Variants in COPB2 observed in about 807,000 individuals in gnomAD.
COPB2 encodes the protein coat protein complex I subunit beta 2.
Under a neutral mutation model 120.8 loss-of-function variants are expected in COPB2, and 16 were observed. That is an observed-to-expected ratio of 0.13 (90% CI 0.09 to 0.20). The LOEUF is 0.20. COPB2 is among the 10% of genes least tolerant of loss of function. The pLI is 1.00. For missense variants in COPB2, 794 were observed against 1,076.5 expected, an observed-to-expected ratio of 0.74 and a Z score of 3.67; for synonymous variants, 332 against 366.3, an observed-to-expected ratio of 0.91 and a Z score of 1.07.
intron 15 of COPB2, among the ~76,000 whole-genome samples, chr3:139,365,817 G>GAT (rs1208393705): frequency 6.6e-6 from 1 of 152,156 alleles, no homozygotes; most frequent in African/African-American, 2.4e-5. Context: ...AGGAAAGCTA[G>GAT]ATAATATGCT....
chr3:139,360,785 C>G (rs1295827558), intron 17 of COPB2, among the ~76,000 whole-genome samples: 1 of 152,128 alleles, frequency 6.6e-6, no homozygotes, highest in Non-Finnish European at 1.5e-5. Context: ...CTCCTGCAAT[C>G]ATAAAATAAA....
intron 15 of COPB2, among the ~76,000 whole-genome samples, chr3:139,364,132 G>A (rs1385724575): frequency 3.3e-5 from 5 of 152,046 alleles, no homozygotes; most frequent in African/African-American, 9.7e-5. Context: ...AGCTGGTGGA[G>A]GAATATAAAC....
intron 10 of COPB2, 90 bp downstream of exon 10, chr3:139,371,633 C>G: frequency 9.3e-7 from 1 of 1,078,180 alleles, no homozygotes; most frequent in Non-Finnish European, 1.4e-6. Context: ...CACGGAGAAT[C>G]ACAGCCCACA....
chr3:139,358,406 C>G, intron 20 of COPB2, 135 bp from the exon 21 acceptor site: 1 of 768,846 alleles, frequency 1.3e-6, no homozygotes, highest in Non-Finnish European at 2.2e-6. Context: ...CAGCCAGGCA[C>G]AGTGGCTCAC....
chr3:139,373,364 T>C lies in COPB2; in HGVS notation c.943A>G (p.Ile315Val). 6.2e-7 allele frequency: 1 copy of C among 1,614,202 alleles called. No individual in the cohort carries two copies. Among genetic ancestry groups the C allele is most frequent in the Non-Finnish European group, 8.5e-7 (1 of 1,180,044 alleles). ...TGGACTTCTGAATGCTTGGCCCAAA[T>C]TATCTTTCCATTGGCATCCATGGAC... ...AMSMDANGKI[I>V]WAKHSEVQQA... is the part of the protein sequence containing the mutation. Residue 315 changes from isoleucine (I) to valine (V), a missense_variant, in exon 9 of 22, where the codon ATT becomes GTT. This residue lies in a region of COPB2 where 610 missense variants were observed against 866.7 expected (regional missense o/e 0.70). Transcript: ENST00000333188.
chr3:139,371,090 C>T (rs770615490), intron 10 of COPB2, among the ~76,000 whole-genome samples: 20 of 152,132 alleles, frequency 1.3e-4, no homozygotes. Context: ...AAACACTAAA[C>T]CCCTAATGTT....
In COPB2 at chr3:139,362,267, AAGAG is replaced by A. The variant is rs554116566; in HGVS notation, c.1995+136_1995+139del. 8.2e-5 allele frequency: 39 copies of A among 477,110 alleles called. No homozygotes were observed. The East Asian group carries it at 1.1e-3, about 13-fold the overall frequency. The allele number at this position is 477,110 out of a possible 1,614,324, so 29.6% of individuals were successfully genotyped here. On this transcript the variant is annotated intron_variant, in intron 16 of 21. Transcript: ENST00000333188. The stretch of plus-strand genomic sequence containing the variant: ...AACATAATACATCTTTTAAAAAGAT[AAGAG>A]AGAGACAATAACTTCAACAAAATGA...
chr3:139,389,678 G>T (rs1030292212), upstream of COPB2: 3 of 1,026,740 alleles, frequency 2.9e-6, no homozygotes, highest in African/African-American at 3.3e-5. Flanking sequence ...TCTCGCGATA[G>T]TCAGAGGCCA....
At chr3:139,367,654 A>T (rs188567822) in intron 13 of COPB2, among the ~76,000 whole-genome samples, 1 of 152,194 alleles carries the variant, frequency 6.6e-6, no homozygotes, top group African/African-American at 2.4e-5. Context: ...AAACAGAAAA[A>T]AAAACAAAAC....
intron 13 of COPB2, among the ~76,000 whole-genome samples, 160 bp downstream of exon 13, chr3:139,367,985 T>C (rs1318577779): frequency 6.6e-6 from 1 of 152,262 alleles, no homozygotes; most frequent in Non-Finnish European, 1.5e-5. Flanking sequence ...TTTTGATCTA[T>C]GAGTTACGAT....
intron 5 of COPB2, 127 bp downstream of exon 5, chr3:139,377,914 G>T: frequency 2.5e-6 from 2 of 806,678 alleles, no homozygotes; most frequent in East Asian, 3.0e-5. Flanking sequence ...ATCCTATTTT[G>T]ACTTCAAAAC....
chr3:139,385,447 T>C (rs1027808737), intron 1 of COPB2: 1 of 150,574 alleles, frequency 6.6e-6, no homozygotes, highest in African/African-American at 2.4e-5. Context: ...CCATAAAGCA[T>C]AATATTGAGT....
rs564515377 is a variant in COPB2, at chr3:139,374,404, A to G, written c.751+85T>C. The G allele has an allele frequency of 4.0e-5, 45 of 1,111,816 alleles. 1 individual carries two copies. The East Asian group carries it at 1.0e-3, about 25-fold the overall frequency. The allele number at this position is 1,111,816 out of a possible 1,614,324, so 68.9% of individuals were successfully genotyped here. On this transcript the variant is annotated intron_variant, in intron 7 of 21. Transcript: ENST00000333188. Reference sequence around the variant, plus strand: ...AAAATATCAAAATCCTTGGAAACCTACAATTATAATGCAGAGACATTACTT... The same window carrying G: ...AAAATATCAAAATCCTTGGAAACCTGCAATTATAATGCAGAGACATTACTT...
In COPB2 at chr3:139,359,327, C is replaced by G; in HGVS notation, c.2246G>C (p.Gly749Ala). The G allele has an allele frequency of 1.9e-6, 3 of 1,614,154 alleles. No individual in the cohort carries two copies. Among genetic ancestry groups the G allele is most frequent in the Non-Finnish European group, 2.5e-6 (3 of 1,180,012 alleles). Residue 749 changes from glycine to alanine, a missense_variant, in exon 18 of 22, where the codon GGA becomes GCA. This residue lies in a region of COPB2 where 178 missense variants were observed against 183.2 expected (regional missense o/e 0.97). Transcript: ENST00000333188. ...CAAGAAGGCAGCTTCTGGCAGCCGTCCAGTTCTAATTAAGAGCTCTAGGCA... is the reference window on the plus strand; with the variant it reads ...CAAGAAGGCAGCTTCTGGCAGCCGTGCAGTTCTAATTAAGAGCTCTAGGCA... ...DACLELLIRTGRLPEAAFLAR... is the reference protein window; with the variant it reads ...DACLELLIRTARLPEAAFLAR...
At chr3:139,389,251 T>C (rs1287110376) in intron 1 of COPB2, among the ~76,000 whole-genome samples, 1 of 152,240 alleles carries the variant, frequency 6.6e-6, no homozygotes, top group Non-Finnish European at 1.5e-5. Flanking sequence ...ATTCGGCTTC[T>C]GTGTTTCCCT....
chr3:139,366,863 T>C lies in COPB2; in HGVS notation c.1677-88A>G, dbSNP rs575940875. The C allele has an allele frequency of 3.8e-4, 577 of 1,499,480 alleles. 1 individual carries two copies. The African/African-American group carries it at 7.2e-3, about 19-fold the overall frequency. The allele number at this position is 1,499,480 out of a possible 1,614,324, so 92.9% of individuals were successfully genotyped here. A position where few individuals can be genotyped will look rare whatever the true frequency, so the allele number is the denominator to read the frequency against. On this transcript the variant is annotated intron_variant, in intron 14 of 21. Transcript: ENST00000333188. ...GCCAATCTCCCTCTTGCTCAAAACC[T>C]TCCCATTTGATTGACACAATTCTGG...
At chr3:139,382,737 G>C (rs1351203648) in intron 2 of COPB2, 2 of 166,126 alleles carry the variant, frequency 1.2e-5, no homozygotes, top group Non-Finnish European at 2.6e-5. Context: ...ATACAGTCTA[G>C]GAAGACTGGA....
At chr3:139,381,980 T>TA (rs1941824976) in intron 2 of COPB2, 1 of 151,652 alleles carries the variant, frequency 6.6e-6, no homozygotes, top group Non-Finnish European at 1.5e-5. Context: ...AGAACACAAA[T>TA]ACTGAACTAG....
intron 9 of COPB2, among the ~76,000 whole-genome samples, chr3:139,372,645 T>C (rs113721872): frequency 4.6e-5 from 7 of 152,242 alleles, no homozygotes; most frequent in African/African-American, 1.7e-4. Flanking sequence ...TGCCCAGACC[T>C]GCTGTAAAAT....
Sources: gnomAD v4.1 joint callset for allele counts (sites outside exome capture counted in the v4.1 genomes callset) on GRCh38, gnomAD v4.1.1 for gene constraint, gnomAD v4.1.1 regional missense constraint, MANE v1.5 for transcripts, NCBI Gene and HGNC (gene_info 2026-07-23, HGNC 2026-07-21) for gene names.